MFSD12: variants seen among roughly 807,000 people sequenced by gnomAD.
MFSD12 encodes major facilitator superfamily domain containing 12, also known as major facilitator superfamily domain-containing protein 12.
MFSD12 carries 67 observed loss-of-function variants against 51.2 expected under a neutral mutation model. The ratio of observed to expected loss-of-function variants is 1.31; its 90% confidence interval spans 1.08 to 1.60. The LOEUF (loss-of-function observed/expected upper bound fraction) is 1.60. MFSD12 is among the 40% of genes most tolerant of loss of function. The pLI, the probability that MFSD12 is intolerant of heterozygous loss-of-function variation, is 0.00. For synonymous variants in MFSD12, 441 were observed against 316.7 expected (o/e 1.39, Z -4.17); for missense variants, 921 against 673.0 (o/e 1.37, Z -4.08).
chr19:3,546,267 G>T lies in MFSD12; in HGVS notation c.1182C>A (p.Ile394=). The change falls in exon 7 of 10, where the codon ATC becomes ATA. Residue 394 remains isoleucine (I), a synonymous_variant. Transcript: ENST00000355415. ...VTSLAMTADL[I]GPHTNSGAFV... ...CTACCAGCCCTACCGTGTGGGGACC[G>T]ATGAGGTCGGCCGTCATGGCCAGCG... The T allele has an allele frequency of 6.2e-7, 1 of 1,610,616 alleles. No homozygotes were observed. Among genetic ancestry groups the T allele is most frequent in the Non-Finnish European group, 8.5e-7 (1 of 1,178,992 alleles).
chr19:3,546,177 ACACAGG>A lies in MFSD12; in HGVS notation c.1195-15_1195-10del, dbSNP rs1434482720. 1 of 1,612,238 alleles carries A rather than the reference ACACAGG, an allele frequency of 6.2e-7. No individual in the cohort carries two copies. The highest frequency in any genetic ancestry group is 8.5e-7 in the Non-Finnish European group (1 of 1,179,438). On this transcript the variant is annotated splice_polypyrimidine_tract_variant and intron_variant, in intron 7 of 9. Transcript: ENST00000355415. ...ACGAACGCTCCGCTGTTCTGTGGAG[ACACAGG>A]CGAGGTGGTCAGCGTGCACCCCGAG...
downstream of MFSD12, chr19:3,543,206 C>G: frequency 2.6e-6 from 4 of 1,535,072 alleles, no homozygotes; most frequent in Non-Finnish European, 3.5e-6. Flanking sequence ...TAGACATGGG[C>G]TCAGTCTCTG....
chr19:3,547,633 GC>G, intron 4 of MFSD12, 86 bp from the exon 5 acceptor site: 1 of 1,301,886 alleles, frequency 7.7e-7, no homozygotes, highest in Middle Eastern at 2.4e-4. Context: ...GCCAGGGTGG[GC>G]GCCCTGCAGC....
downstream of MFSD12, chr19:3,543,664 C>T (rs1005204668): frequency 6.5e-6 from 10 of 1,540,688 alleles, no homozygotes; most frequent in Non-Finnish European, 7.9e-6. Context: ...ACAGGCCAAT[C>T]CGGGGCAAGG....
chr19:3,542,747 T>G (rs1315815977), downstream of MFSD12: 1 of 1,341,564 alleles, frequency 7.5e-7, no homozygotes, highest in Non-Finnish European at 9.9e-7. Context: ...CCTCCCAAAG[T>G]GCTGGGTTTA....
downstream of MFSD12, chr19:3,543,668 G>A (rs746131760): frequency 3.2e-6 from 5 of 1,539,842 alleles, no homozygotes; most frequent in African/African-American, 5.5e-5. Flanking sequence ...GCCAATCCGG[G>A]GCAAGGAATA....
intron 8 of MFSD12, 152 bp from the exon 9 acceptor site, chr19:3,545,091 A>C: frequency 9.6e-7 from 1 of 1,044,522 alleles, no homozygotes; most frequent in Non-Finnish European, 1.3e-6. Context: ...CCTGTCCCAC[A>C]CCCAACAGCT....
In MFSD12 at chr19:3,557,441, G is replaced by C. The variant is rs2031794735; in HGVS notation, c.-38C>G. 8.5e-7 allele frequency: 1 copy of C among 1,177,566 alleles called. No homozygotes were observed. Among genetic ancestry groups the C allele is most frequent in the East Asian group, 4.1e-5 (1 of 24,554 alleles). The allele number at this position is 1,177,566 out of a possible 1,614,324, so 72.9% of individuals were successfully genotyped here. A position where few individuals can be genotyped will look rare whatever the true frequency, so the allele number is the denominator to read the frequency against. Reference sequence around the variant, plus strand: ...CCCGCGCCCCCCACCCCCGGGCTCCGCGGAGGGTACCCTGGCCAGGCCTTC... The same window carrying C: ...CCCGCGCCCCCCACCCCCGGGCTCCCCGGAGGGTACCCTGGCCAGGCCTTC... On this transcript the variant is annotated 5_prime_UTR_variant, in exon 1 of 10. Coordinates refer to ENST00000355415, the MANE Select transcript of MFSD12 (RefSeq NM_174983.5).
chr19:3,542,794 C>G, downstream of MFSD12: 1 of 1,370,024 alleles, frequency 7.3e-7, no homozygotes, highest in Non-Finnish European at 9.8e-7. Flanking sequence ...GTGGGTCCCC[C>G]AGTCTTCCCT....
rs1008358184 is a variant in MFSD12, at chr19:3,544,407, C to T, written c.*303G>A. 1.6e-5 allele frequency: 21 copies of T among 1,322,802 alleles called. No homozygotes were observed. Among genetic ancestry groups the T allele is most frequent in the Non-Finnish European group, 2.0e-5 (21 of 1,037,676 alleles). 81.9% of individuals were successfully genotyped at this position (1,322,802 alleles called of 1,614,324 possible). A position where few individuals can be genotyped will look rare whatever the true frequency, so the allele number is the denominator to read the frequency against. On this transcript the variant is annotated 3_prime_UTR_variant, in exon 10 of 10. Coordinates refer to ENST00000355415, the MANE Select transcript of MFSD12 (RefSeq NM_174983.5). ...GGACTGAGCTCAGGGTTAGGGTTCC[C>T]CCAGACCCTTCTGGGATTCCTACTT...
Position 3,548,150 on chromosome 19 carries a change from C to G in MFSD12, c.627G>C (p.Leu209=), listed in dbSNP as rs767633010. 1.6e-5 allele frequency: 26 copies of G among 1,605,372 alleles called. No individual in the cohort carries two copies. The highest frequency in any genetic ancestry group is 1.7e-4 in the Middle Eastern group (1 of 6,040). ...PTQDISISDQ[L]GGQDVPVFRN... ...GGAACACGGGCACGTCCTGGCCCCCCAGCTGGTCGCTGATGCTGATGTCTT... is the reference window on the plus strand; with the variant it reads ...GGAACACGGGCACGTCCTGGCCCCCGAGCTGGTCGCTGATGCTGATGTCTT... Residue 209 remains leucine, a synonymous_variant, in exon 3 of 10, where the codon CTG becomes CTC. Transcript: ENST00000355415.
At chr19:3,539,334 G>A, downstream of MFSD12, 1 of 952,064 alleles carries the variant, frequency 1.1e-6, no homozygotes, top group Admixed American at 2.1e-5. Flanking sequence ...GTTACATGGT[G>A]TTTGGTTTGG....
At chr19:3,542,871 C>G, downstream of MFSD12, 1 of 1,391,564 alleles carries the variant, frequency 7.2e-7, no homozygotes, top group South Asian at 1.1e-5. Flanking sequence ...GGGGGGCTTC[C>G]CAGAGGAAGG....
intron 2 of MFSD12, among the ~76,000 whole-genome samples, chr19:3,548,859 T>C (rs368222882): frequency 6.6e-6 from 1 of 152,302 alleles, no homozygotes; most frequent in African/African-American, 2.4e-5. Context: ...GCCCTGGGCA[T>C]TGGGCAACCT....
chr19:3,546,471 C>T (rs1353288619), intron 6 of MFSD12, 46 bp from the exon 7 acceptor site: 3 of 1,554,184 alleles, frequency 1.9e-6, no homozygotes, highest in Middle Eastern at 2.2e-4. Flanking sequence ...TGGGTGCCCC[C>T]AAGCCTGGCG....
rs1204731715 is a variant in MFSD12 at position 3,547,874 on chromosome 19, A to G, written c.811T>C (p.Trp271Arg). ...TGGTAGAAAGCCGGCTCCCGGAGCC[A>G]GTGCTTCCAGAGCAGCAGGGGCTGG... Reference protein sequence around the residue: ...TAQPLLLWKHWLREPAFYQVG... With the variant: ...TAQPLLLWKHRLREPAFYQVG... The change falls in exon 4 of 10, where the codon TGG (tryptophan) becomes CGG (arginine). Residue 271 changes from tryptophan to arginine, a missense_variant. Trp to Arg is a moderately radical substitution (Grantham distance 101). Coordinates refer to ENST00000355415, the MANE Select transcript of MFSD12 (RefSeq NM_174983.5). The G allele has an allele frequency of 6.5e-7, 1 of 1,533,178 alleles. No homozygotes were observed. Among genetic ancestry groups the G allele is most frequent in the East Asian group, 2.4e-5 (1 of 42,224 alleles). The allele number at this position is 1,533,178 out of a possible 1,614,324, so 95.0% of individuals were successfully genotyped here.
chr19:3,543,785 G>A (rs1418628507), downstream of MFSD12: 16 of 1,493,932 alleles, frequency 1.1e-5, no homozygotes, highest in Admixed American at 4.4e-5. Flanking sequence ...GCTGGCCAAC[G>A]GCGAGGAGGT....
rs903136493 is a variant in MFSD12, at chr19:3,547,647, G to T, written c.838-100C>A. On this transcript the variant is annotated intron_variant, in intron 4 of 9. Transcript: ENST00000355415. ...GGCCAGGGTGGGCGCCCTGCAGCTG[G>T]CATTTGATCCATTGGTAGTGACTGC... is the stretch of plus-strand genomic sequence containing the variant. 8 of 1,245,720 alleles carry T rather than the reference G, an allele frequency of 6.4e-6. No homozygotes were observed. The South Asian group carries it at 8.4e-5, about 13-fold the overall frequency. 77.2% of individuals were successfully genotyped at this position (1,245,720 alleles called of 1,614,324 possible).
At chr19:3,543,550 C>A (rs536464527), downstream of MFSD12, 3 of 1,534,012 alleles carry the variant, frequency 2.0e-6, no homozygotes, top group African/African-American at 2.7e-5. Context: ...CCCGCCCCAC[C>A]GCAGCCTACA....
Sources: allele counts gnomAD v4.1 joint callset (sites outside exome capture counted in the v4.1 genomes callset), GRCh38; gene constraint gnomAD v4.1.1; transcripts MANE v1.5; gene names NCBI Gene and HGNC (gene_info 2026-07-23, HGNC 2026-07-21).